Variants in FAM120B observed in about 807,000 individuals in gnomAD.
FAM120B encodes family with sequence similarity 120 member B.
A neutral mutation model predicts 96.3 loss-of-function variants in FAM120B; 83 were observed. That is an observed-to-expected ratio of 0.86 (90% CI 0.72 to 1.03). The LOEUF (loss-of-function observed/expected upper bound fraction) is 1.03. Ranked by LOEUF, FAM120B falls within the 50% of genes least tolerant of loss-of-function variation. The pLI is 0.00. For missense variants in FAM120B, 1,027 were observed against 1,121.2 expected (o/e 0.92, Z 1.20); for synonymous variants, 407 against 402.7 (o/e 1.01, Z -0.13).
At chr6:170,296,395 AG>A (rs1343510598) in intron 1 of FAM120B, among the ~76,000 whole-genome samples, 1 of 151,992 alleles carries the variant, frequency 6.6e-6, no homozygotes, top group African/African-American at 2.4e-5. Flanking sequence ...CCAAAGCGCG[AG>A]GGCACAGGCG....
At position 170,317,367 on chromosome 6, in the gene FAM120B, C is replaced by G. The variant is rs1784961207; in HGVS notation, c.-21-3C>G. 1 of 1,591,204 alleles carries G rather than the reference C, an allele frequency of 6.3e-7. No homozygotes were observed. Among genetic ancestry groups the G allele is most frequent in the Non-Finnish European group, 8.6e-7 (1 of 1,162,990 alleles). On this transcript the variant is annotated splice_polypyrimidine_tract_variant and splice_region_variant and intron_variant, in intron 1 of 10. Coordinates refer to ENST00000476287, the MANE Select transcript of FAM120B (RefSeq NM_032448.3). Reference sequence around the variant, plus strand: ...TTACTGATTAATTTATCTTTCTTTCCAGATCCTTTCCCGGAGTTCAGTTAT... The same window carrying G: ...TTACTGATTAATTTATCTTTCTTTCGAGATCCTTTCCCGGAGTTCAGTTAT...
chr6:170,332,640 G>C (rs1440262594), intron 4 of FAM120B, among the ~76,000 whole-genome samples: 1 of 152,124 alleles, frequency 6.6e-6, no homozygotes, highest in Non-Finnish European at 1.5e-5. Flanking sequence ...GGAGGTTGCA[G>C]TGAGCCGAGA....
intron 6 of FAM120B, among the ~76,000 whole-genome samples, chr6:170,361,994 A>G (rs1425079341): frequency 6.6e-6 from 1 of 152,084 alleles, no homozygotes; most frequent in African/African-American, 2.4e-5. Context: ...GGGTTTCACC[A>G]TGTTGGCCAG....
intron 2 of FAM120B, among the ~76,000 whole-genome samples, chr6:170,319,392 C>T (rs775295355): frequency 5.9e-5 from 9 of 152,066 alleles, no homozygotes; most frequent in Admixed American, 5.2e-4. Flanking sequence ...GAAGGCCGGG[C>T]GTGGTGGCTC....
Position 170,321,494 on chromosome 6 carries a change from C to T in FAM120B, c.1735-1585C>T, listed in dbSNP as rs558738580. Reference sequence around the variant, plus strand: ...CCAGGTTCAAGCAATTCTCCTGCCTCAGCCTCCTGAGTAGCTGGGACTACA... The same window carrying T: ...CCAGGTTCAAGCAATTCTCCTGCCTTAGCCTCCTGAGTAGCTGGGACTACA... On this transcript the variant is annotated intron_variant, in intron 2 of 10. Transcript: ENST00000476287. Among the ~76,000 whole-genome samples the T allele has an allele frequency of 2.3e-4, 35 of 152,324 alleles. No individual in the cohort carries two copies. In the South Asian group the frequency reaches 7.0e-3, roughly 31 times the overall value.
At chr6:170,360,908 T>C (rs1042395553) in intron 6 of FAM120B, among the ~76,000 whole-genome samples, 1 of 151,920 alleles carries the variant, frequency 6.6e-6, no homozygotes, top group African/African-American at 2.4e-5. Flanking sequence ...GAGATGTGGT[T>C]TGGGGAAGGA....
intron 4 of FAM120B, among the ~76,000 whole-genome samples, chr6:170,344,978 C>G (rs558307441): frequency 6.6e-6 from 1 of 152,168 alleles, no homozygotes; most frequent in Non-Finnish European, 1.5e-5. Context: ...AGTCCTCTGC[C>G]CTACGCTTTG....
intron 4 of FAM120B, among the ~76,000 whole-genome samples, chr6:170,338,991 G>A (rs1786633744): frequency 6.6e-6 from 1 of 152,006 alleles, no homozygotes; most frequent in Admixed American, 6.5e-5. Flanking sequence ...TTGCCAGTCT[G>A]TGTCTTTTAA....
chr6:170,328,881 TC>T (rs1785799533), intron 3 of FAM120B, among the ~76,000 whole-genome samples: 1 of 152,250 alleles, frequency 6.6e-6, no homozygotes, highest in Non-Finnish European at 1.5e-5. Flanking sequence ...CTCTACCTGC[TC>T]CTTCCGAGAC....
At chr6:170,325,515 T>A (rs1785532212) in intron 3 of FAM120B, among the ~76,000 whole-genome samples, 1 of 150,358 alleles carries the variant, frequency 6.7e-6, no homozygotes, top group African/African-American at 2.4e-5. Flanking sequence ...TGCACTCATT[T>A]GGATTATTAG....
At chr6:170,340,020 A>G (rs907879565) in intron 4 of FAM120B, among the ~76,000 whole-genome samples, 4 of 152,110 alleles carry the variant, frequency 2.6e-5, no homozygotes, top group African/African-American at 9.7e-5. Flanking sequence ...TATTTACTGA[A>G]TTTGAATGTT....
intron 1 of FAM120B, among the ~76,000 whole-genome samples, chr6:170,296,753 C>T (rs1225836890): frequency 6.6e-6 from 1 of 152,082 alleles, no homozygotes; most frequent in Admixed American, 6.5e-5. Context: ...CAGGAGCCCG[C>T]GCGGGGTGGG....
intron 9 of FAM120B, among the ~76,000 whole-genome samples, chr6:170,396,221 C>T (rs1185949574): frequency 1.3e-5 from 2 of 152,156 alleles, no homozygotes; most frequent in South Asian, 2.1e-4. Flanking sequence ...ACTTTCACAA[C>T]GTCTAAAATG....
At chr6:170,334,609 C>T (rs1485156646) in intron 4 of FAM120B, among the ~76,000 whole-genome samples, 1 of 151,542 alleles carries the variant, frequency 6.6e-6, no homozygotes, top group African/African-American at 2.4e-5. Flanking sequence ...GTGTGTGTGC[C>T]TGCCCTTGGT....
chr6:170,352,696 TTAA>T (rs1787657039), intron 5 of FAM120B, among the ~76,000 whole-genome samples: 1 of 151,802 alleles, frequency 6.6e-6, no homozygotes, highest in African/African-American at 2.4e-5. Context: ...AATAATGAAA[TTAA>T]TGAGAACAAA....
intron 1 of FAM120B, among the ~76,000 whole-genome samples, chr6:170,316,433 C>G (rs928333047): frequency 2.0e-5 from 3 of 148,768 alleles, no homozygotes; most frequent in African/African-American, 7.3e-5. Context: ...AAGCATAGAT[C>G]ATAAAAATGT....
intron 1 of FAM120B, among the ~76,000 whole-genome samples, chr6:170,312,073 G>A (rs1385721177): frequency 6.6e-6 from 1 of 152,170 alleles, no homozygotes; most frequent in Non-Finnish European, 1.5e-5. Flanking sequence ...CACTGTAGGA[G>A]AACAGTGACA....
intron 3 of FAM120B, among the ~76,000 whole-genome samples, chr6:170,328,036 A>C (rs1034950363): frequency 5.3e-5 from 8 of 152,188 alleles, no homozygotes; most frequent in Admixed American, 5.2e-4. Context: ...CATTCAAAAA[A>C]TATTTCTTTC....
At chr6:170,371,245 GT>G (rs1789169990) in intron 6 of FAM120B, among the ~76,000 whole-genome samples, 1 of 152,000 alleles carries the variant, frequency 6.6e-6, no homozygotes, top group African/African-American at 2.4e-5. Context: ...ACATCGCACA[GT>G]TTGTGGCCTT....
Sources: allele counts gnomAD v4.1 joint callset (sites outside exome capture counted in the v4.1 genomes callset), GRCh38; gene constraint gnomAD v4.1.1; transcripts MANE v1.5; gene names NCBI Gene and HGNC (gene_info 2026-07-23, HGNC 2026-07-21).